The following TBC1D22A variants were observed in gnomAD, a reference collection of about 807,000 sequenced individuals.
TBC1D22A encodes TBC1 domain family member 22A.
In TBC1D22A, 38 loss-of-function variants were observed where a neutral mutation model predicts 60.2. That is an observed-to-expected ratio of 0.63 (90% CI 0.49 to 0.83). The LOEUF is 0.83. TBC1D22A is among the 40% of genes least tolerant of loss of function. The pLI, the probability that TBC1D22A is intolerant of heterozygous loss-of-function variation, is 0.00. For synonymous variants in TBC1D22A, 302 were observed against 281.7 expected, an observed-to-expected ratio of 1.07 and a Z score of -0.72; for missense variants, 628 against 701.0, an observed-to-expected ratio of 0.90 and a Z score of 1.18.
At chr22:47,015,805 A>G (rs567460498) in intron 10 of TBC1D22A, among the ~76,000 whole-genome samples, 1 of 152,166 alleles carries the variant, frequency 6.6e-6, no homozygotes, top group African/African-American at 2.4e-5. Context: ...TGGCGTCTGG[A>G]GCATTTCGGG....
At position 47,037,062 on chromosome 22, in the gene TBC1D22A, T is replaced by G. The variant is rs758054222; in HGVS notation, c.1202-9T>G. The G allele has an allele frequency of 6.2e-7, 1 of 1,613,200 alleles. No homozygotes were observed. The highest frequency in any genetic ancestry group is 1.1e-5 in the South Asian group (1 of 91,070). On this transcript the variant is annotated splice_polypyrimidine_tract_variant and intron_variant, in intron 10 of 12. Coordinates refer to ENST00000337137, the MANE Select transcript of TBC1D22A (RefSeq NM_014346.5). Reference sequence around the variant, plus strand: ...TGACAGCCTTGGGGCCTGTGTTTGTTTTGTGCAGAGCAAGTGCACCGGCAC... The same window carrying G: ...TGACAGCCTTGGGGCCTGTGTTTGTGTTGTGCAGAGCAAGTGCACCGGCAC...
chr22:46,974,444 T>A (rs1487299838), intron 9 of TBC1D22A, 45 bp downstream of exon 9: 2 of 1,525,462 alleles, frequency 1.3e-6, no homozygotes, highest in Non-Finnish European at 1.8e-6. Context: ...CCACAGCCCC[T>A]GCGGTGAAGA....
chr22:47,090,442 G>A (rs184508438), intron 11 of TBC1D22A, among the ~76,000 whole-genome samples: 8 of 152,354 alleles, frequency 5.3e-5, no homozygotes, highest in East Asian at 1.9e-4. Flanking sequence ...TCCAGCAGCC[G>A]AGTAACTTCG....
intron 4 of TBC1D22A, among the ~76,000 whole-genome samples, chr22:46,799,150 C>T (rs2084790541): frequency 6.6e-6 from 1 of 152,114 alleles, no homozygotes; most frequent in South Asian, 2.1e-4. Flanking sequence ...CTTTCCACAG[C>T]TCGAGGTGTC....
At chr22:46,817,605 A>G (rs1371782410) in intron 4 of TBC1D22A, among the ~76,000 whole-genome samples, 2 of 152,196 alleles carry the variant, frequency 1.3e-5, no homozygotes, top group Admixed American at 6.5e-5. Context: ...TTATGGCTGC[A>G]TAGTATTCCA....
chr22:46,974,991 G>T (rs533137459), intron 9 of TBC1D22A, among the ~76,000 whole-genome samples: 1 of 152,200 alleles, frequency 6.6e-6, no homozygotes, highest in African/African-American at 2.4e-5. Context: ...TCCCAGTGAC[G>T]GCCAATCCTA....
At chr22:46,879,865 C>T (rs559905300) in intron 5 of TBC1D22A, among the ~76,000 whole-genome samples, 1 of 31,230 alleles carries the variant, frequency 3.2e-5, no homozygotes, top group African/African-American at 4.7e-5. Flanking sequence ...TTCTCAGCCT[C>T]TGCGGGTTGT....
chr22:46,891,249 G>T lies in TBC1D22A; in HGVS notation c.709-17G>T, dbSNP rs758777767. On this transcript the variant is annotated splice_polypyrimidine_tract_variant and intron_variant, in intron 5 of 12. Transcript: ENST00000337137. ...TTAGCTATAACCATGTATATTTTTTGTTTATTTCTCACCCAGGGTTACCTT... is the reference window on the plus strand; with the variant it reads ...TTAGCTATAACCATGTATATTTTTTTTTTATTTCTCACCCAGGGTTACCTT... 8.8e-6 allele frequency: 14 copies of T among 1,586,214 alleles called. No homozygotes were observed. The Admixed American group carries it at 9.3e-5, about 11-fold the overall frequency.
chr22:47,075,912 C>T (rs1972679343), intron 11 of TBC1D22A, among the ~76,000 whole-genome samples: 1 of 151,898 alleles, frequency 6.6e-6, no homozygotes, highest in African/African-American at 2.4e-5. Flanking sequence ...TGATATCAGA[C>T]AAAATTGATT....
chr22:46,898,583 G>A lies in TBC1D22A; in HGVS notation c.900+3737G>A, dbSNP rs966414590. Among the ~76,000 whole-genome samples the A allele has an allele frequency of 2.0e-5, 3 of 152,192 alleles. No individual in the cohort carries two copies. The East Asian group carries it at 5.8e-4, about 29-fold the overall frequency. ...TAGACAAATGGAGCAGAGGGAAAATGCAGGGAGTCTGCATGTTACATAAGA... is the reference window on the plus strand; with the variant it reads ...TAGACAAATGGAGCAGAGGGAAAATACAGGGAGTCTGCATGTTACATAAGA... On this transcript the variant is annotated intron_variant, in intron 7 of 12. Transcript: ENST00000337137.
At chr22:46,949,540 A>C (rs1350278423) in intron 8 of TBC1D22A, among the ~76,000 whole-genome samples, 2 of 151,960 alleles carry the variant, frequency 1.3e-5, no homozygotes, top group African/African-American at 4.8e-5. Flanking sequence ...TATGTCTGGC[A>C]GTTATTCCTA....
chr22:46,895,583 G>C (rs2068630880), intron 7 of TBC1D22A, among the ~76,000 whole-genome samples: 2 of 152,140 alleles, frequency 1.3e-5, no homozygotes, highest in African/African-American at 4.8e-5. Flanking sequence ...TGTTGGCCAG[G>C]CTGGTCTTGA....
At chr22:47,033,762 G>A (rs1277280349) in intron 10 of TBC1D22A, among the ~76,000 whole-genome samples, 2 of 152,316 alleles carry the variant, frequency 1.3e-5, no homozygotes, top group East Asian at 1.9e-4. Context: ...AGCCCGGGGC[G>A]CGGGGAAGCC....
At chr22:47,041,500 A>C (rs182043790) in intron 11 of TBC1D22A, among the ~76,000 whole-genome samples, 7 of 152,344 alleles carry the variant, frequency 4.6e-5, no homozygotes, top group Admixed American at 4.6e-4. Context: ...GGACACTTCT[A>C]TACATGGAGG....
chr22:47,095,821 C>T (rs774992474), intron 11 of TBC1D22A, among the ~76,000 whole-genome samples: 3 of 152,200 alleles, frequency 2.0e-5, no homozygotes, highest in Non-Finnish European at 4.4e-5. Flanking sequence ...TGCACCTTTC[C>T]CAGTGAGGGG....
chr22:46,909,194 T>A (rs1239050809), intron 7 of TBC1D22A, among the ~76,000 whole-genome samples: 3 of 151,856 alleles, frequency 2.0e-5, no homozygotes, highest in Non-Finnish European at 4.4e-5. Flanking sequence ...AGTGTGTGTT[T>A]GTGTGTGTGT....
intron 12 of TBC1D22A, among the ~76,000 whole-genome samples, chr22:47,157,643 C>T (rs981255241): frequency 1.3e-5 from 2 of 152,226 alleles, no homozygotes; most frequent in African/African-American, 4.8e-5. Flanking sequence ...TCCGTGTGGC[C>T]GTGCAGTTGC....
chr22:46,882,265 G>A (rs950936214), intron 5 of TBC1D22A, among the ~76,000 whole-genome samples: 1 of 152,168 alleles, frequency 6.6e-6, no homozygotes. Context: ...CCTACCCTGC[G>A]GCTAGGCAGG....
At chr22:47,000,789 T>G (rs1306537864) in intron 10 of TBC1D22A, among the ~76,000 whole-genome samples, 1 of 150,870 alleles carries the variant, frequency 6.6e-6, no homozygotes, top group Admixed American at 6.6e-5. Context: ...CATTTCCCAC[T>G]GGATAAGACC....
Sources: allele counts gnomAD v4.1 joint callset (sites outside exome capture counted in the v4.1 genomes callset), GRCh38; gene constraint gnomAD v4.1.1; transcripts MANE v1.5; gene names NCBI Gene and HGNC (gene_info 2026-07-23, HGNC 2026-07-21).